The following CDC42BPA variants were observed in gnomAD, a reference collection of about 807,000 sequenced individuals.
CDC42BPA encodes the protein CDC42 binding protein kinase alpha.
A neutral mutation model predicts 223.5 loss-of-function variants in CDC42BPA; 80 were observed. The observed-to-expected ratio is 0.36, with a 90% CI of 0.30 to 0.43. CDC42BPA has a LOEUF of 0.43. CDC42BPA is among the 20% of genes least tolerant of loss of function. The pLI, the probability that CDC42BPA is intolerant of heterozygous loss-of-function variation, is 1.00. For missense variants in CDC42BPA, 1,743 were observed against 2,099.9 expected (o/e 0.83, Z 3.32); for synonymous variants, 694 against 718.6 (o/e 0.97, Z 0.55).
intron 17 of CDC42BPA, among the ~76,000 whole-genome samples, chr1:227,075,685 T>C (rs2149093349): frequency 6.6e-6 from 1 of 152,282 alleles, no homozygotes; most frequent in East Asian, 1.9e-4. Context: ...TTACCTGATC[T>C]ATAGTGTAGA....
chr1:227,104,462 G>C (rs1440179340), intron 14 of CDC42BPA, among the ~76,000 whole-genome samples: 1 of 152,068 alleles, frequency 6.6e-6, no homozygotes, highest in East Asian at 1.9e-4. Context: ...CTAGGTATGT[G>C]AAAATTCTTC....
intron 1 of CDC42BPA, among the ~76,000 whole-genome samples, chr1:227,280,883 T>A (rs1201482683): frequency 6.6e-6 from 1 of 152,180 alleles, no homozygotes; most frequent in Non-Finnish European, 1.5e-5. Context: ...AAGGTAAGCA[T>A]GCCAAGCCAG....
chr1:227,190,059 C>T lies in CDC42BPA; in HGVS notation c.599+3727G>A, dbSNP rs567929558. 3.9e-5 allele frequency among the ~76,000 whole-genome samples: 6 copies of T among 152,278 alleles called. No homozygotes were observed. The South Asian group carries it at 1.2e-3, about 32-fold the overall frequency. Reference sequence around the variant, plus strand: ...CAAAATCTCTTTACAAATTAATCTCCTACTAAACTCAACATGAACTCTTTT... The same window carrying T: ...CAAAATCTCTTTACAAATTAATCTCTTACTAAACTCAACATGAACTCTTTT... On this transcript the variant is annotated intron_variant, in intron 5 of 36. Transcript: ENST00000366766.
intron 6 of CDC42BPA, 145 bp downstream of exon 6, chr1:227,160,398 C>A (rs372917570): frequency 3.1e-6 from 2 of 646,484 alleles, no homozygotes; most frequent in African/African-American, 1.9e-5. Context: ...TGCCCAAATG[C>A]CTTTGTGGAA....
intron 23 of CDC42BPA, among the ~76,000 whole-genome samples, chr1:227,045,772 T>C (rs1672318549): frequency 6.6e-6 from 1 of 152,206 alleles, no homozygotes; most frequent in African/African-American, 2.4e-5. Context: ...TTCTGCTTTT[T>C]GCATTGTCCC....
chr1:227,111,213 G>C (rs1217325329), intron 14 of CDC42BPA, among the ~76,000 whole-genome samples: 2 of 152,132 alleles, frequency 1.3e-5, no homozygotes, highest in Non-Finnish European at 2.9e-5. Flanking sequence ...AAAAGAAGTA[G>C]GTGAAATGGG....
At chr1:227,149,973 C>T (rs1190367772) in intron 6 of CDC42BPA, among the ~76,000 whole-genome samples, 1 of 152,092 alleles carries the variant, frequency 6.6e-6, no homozygotes, top group Non-Finnish European at 1.5e-5. Context: ...CCAGTAATCC[C>T]ACCACTTTGG....
intron 35 of CDC42BPA, among the ~76,000 whole-genome samples, chr1:227,002,383 A>G (rs1264537705): frequency 6.6e-6 from 1 of 152,260 alleles, no homozygotes; most frequent in East Asian, 1.9e-4. Context: ...TCAGGGCTAC[A>G]TACTGGGTAC....
At chr1:227,217,222 GGATCACCTGA>G (rs1283398555) in intron 2 of CDC42BPA, among the ~76,000 whole-genome samples, 5 of 151,994 alleles carry the variant, frequency 3.3e-5, no homozygotes, top group African/African-American at 1.2e-4. Flanking sequence ...CGAGGTGGGT[GGATCACCTGA>G]GGTCAGGAGT....
intron 34 of CDC42BPA, among the ~76,000 whole-genome samples, chr1:227,006,776 A>T (rs1282003691): frequency 1.3e-5 from 2 of 152,120 alleles, no homozygotes; most frequent in Non-Finnish European, 1.5e-5. Flanking sequence ...CTCTACTATA[A>T]ATACAAAAAA....
chr1:227,142,624 CTT>C (rs71681093), intron 9 of CDC42BPA, among the ~76,000 whole-genome samples: 12 of 147,954 alleles, frequency 8.1e-5, no homozygotes, highest in Admixed American at 1.3e-4. Context: ...ACTATGTTAA[CTT>C]TTTTTTTTTT....
chr1:227,010,454 C>T (rs1207144635), intron 34 of CDC42BPA, among the ~76,000 whole-genome samples: 1 of 152,166 alleles, frequency 6.6e-6, no homozygotes, highest in East Asian at 1.9e-4. Context: ...CTACCACAGA[C>T]TTTAACCTCA....
intron 16 of CDC42BPA, among the ~76,000 whole-genome samples, chr1:227,083,543 TTTTTGA>T (rs72518630): frequency 0.13 from 19,555 of 152,068 alleles, 1,314 homozygotes; most frequent in East Asian, 0.26. Flanking sequence ...TATTTTCCCT[TTTTTGA>T]TTTTGTTTTT....
intron 2 of CDC42BPA, among the ~76,000 whole-genome samples, chr1:227,228,263 T>C (rs140698322): frequency 4.5e-4 from 69 of 152,360 alleles, no homozygotes; most frequent in African/African-American, 1.6e-3. Flanking sequence ...ATATTTCATA[T>C]AAATGGAATC....
intron 34 of CDC42BPA, among the ~76,000 whole-genome samples, chr1:227,007,543 G>C (rs1664340290): frequency 6.6e-6 from 1 of 152,168 alleles, no homozygotes; most frequent in African/African-American, 2.4e-5. Context: ...AAGAGTTGAT[G>C]ATACTGTATC....
chr1:227,047,868 T>C lies in CDC42BPA; in HGVS notation c.3093+59A>G, dbSNP rs141833041. Reference sequence around the variant, plus strand: ...TATCAAAAAAATCACAGCAAATGCATAGAGCAGATAAAATTCATTTTTTTT... The same window carrying C: ...TATCAAAAAAATCACAGCAAATGCACAGAGCAGATAAAATTCATTTTTTTT... On this transcript the variant is annotated intron_variant, in intron 23 of 36. Transcript: ENST00000366766. The C allele has an allele frequency of 3.9e-4, 359 of 923,724 alleles. No homozygotes were observed. The African/African-American group carries it at 5.1e-3, about 13-fold the overall frequency. 57.2% of individuals were successfully genotyped at this position (923,724 alleles called of 1,614,324 possible). A position where few individuals can be genotyped will look rare whatever the true frequency, so the allele number is the denominator to read the frequency against.
chr1:227,200,198 AGGT>A (rs1291335101), intron 3 of CDC42BPA, among the ~76,000 whole-genome samples: 1 of 152,176 alleles, frequency 6.6e-6, no homozygotes, highest in African/African-American at 2.4e-5. Flanking sequence ...TGTGATGCCG[AGGT>A]GGGCAGATTG....
chr1:227,129,250 A>C lies in CDC42BPA; in HGVS notation c.1391-19T>G. The C allele has an allele frequency of 6.6e-7, 1 of 1,524,530 alleles. No homozygotes were observed. Among genetic ancestry groups the C allele is most frequent in the Non-Finnish European group, 8.8e-7 (1 of 1,133,814 alleles). 94.4% of individuals were successfully genotyped at this position (1,524,530 alleles called of 1,614,324 possible). On this transcript the variant is annotated intron_variant, in intron 10 of 36. Coordinates refer to ENST00000366766, the MANE Select transcript of CDC42BPA (RefSeq NM_001394014.1). The stretch of plus-strand genomic sequence containing the variant: ...GTTGACTCTTTAAAAAAAAGGATAA[A>C]AGAAATAAAAATATCACCATACTCT...
At chr1:227,303,446 A>G (rs1323389657) in intron 1 of CDC42BPA, among the ~76,000 whole-genome samples, 4 of 152,228 alleles carry the variant, frequency 2.6e-5, no homozygotes, top group African/African-American at 9.6e-5. Flanking sequence ...TGCCCAATCC[A>G]GAAAACCTCT....
Sources: allele counts gnomAD v4.1 joint callset (sites outside exome capture counted in the v4.1 genomes callset), GRCh38; gene constraint gnomAD v4.1.1; transcripts MANE v1.5; gene names NCBI Gene and HGNC (gene_info 2026-07-23, HGNC 2026-07-21).